The following TNFAIP8 variants were observed in gnomAD, a reference collection of about 807,000 sequenced individuals.
TNFAIP8 encodes the protein TNF alpha induced protein 8.
TNFAIP8 carries 7 observed loss-of-function variants against 13.3 expected under a neutral mutation model. That is an observed-to-expected ratio of 0.52 (90% CI 0.30 to 0.99). The LOEUF is 0.99. Among genes scored for constraint, TNFAIP8 ranks in the 50% least tolerant of loss-of-function variants. TNFAIP8 has a pLI of 0.07. For missense variants in TNFAIP8, 258 were observed against 236.9 expected, an observed-to-expected ratio of 1.09 and a Z score of -0.58; for synonymous variants, 94 against 87.6, an observed-to-expected ratio of 1.07 and a Z score of -0.41.
At chr5:119,316,692 C>T (rs2112681082) in intron 1 of TNFAIP8, among the ~76,000 whole-genome samples, 1 of 152,314 alleles carries the variant, frequency 6.6e-6, no homozygotes, top group East Asian at 1.9e-4. Context: ...GTCAAAATCT[C>T]TGAGGGTGAG....
At chr5:119,355,316 C>A (rs933645094), upstream of TNFAIP8, 1 of 702,090 alleles carries the variant, frequency 1.4e-6, no homozygotes, top group Non-Finnish European at 2.6e-6. Context: ...AGTGCCCGGG[C>A]TGTGCTTGGA....
At chr5:119,304,197 C>T (rs923820568) in intron 1 of TNFAIP8, among the ~76,000 whole-genome samples, 4 of 152,102 alleles carry the variant, frequency 2.6e-5, no homozygotes, top group Admixed American at 2.0e-4. Flanking sequence ...TAGCTCACTG[C>T]AGCCCCAAAT....
At chr5:119,378,907 C>T (rs1166838859) in intron 1 of TNFAIP8, among the ~76,000 whole-genome samples, 1 of 151,988 alleles carries the variant, frequency 6.6e-6, no homozygotes, top group East Asian at 1.9e-4. Flanking sequence ...TAACTCATCT[C>T]TACAAAGAGA....
chr5:119,334,548 T>C (rs965213046), intron 1 of TNFAIP8, among the ~76,000 whole-genome samples: 3 of 151,586 alleles, frequency 2.0e-5, no homozygotes, highest in African/African-American at 4.9e-5. Context: ...TTGTATGGAA[T>C]GTGGTCACCT....
chr5:119,286,597 G>A (rs1321619969), intron 1 of TNFAIP8, among the ~76,000 whole-genome samples: 1 of 147,176 alleles, frequency 6.8e-6, no homozygotes, highest in East Asian at 2.0e-4. Flanking sequence ...GCTCCAGCCA[G>A]GGCGACAGAG....
rs1045057468 is a variant in TNFAIP8, at chr5:119,393,548, A to C, written c.*167A>C. 1 of 800,266 alleles carries C rather than the reference A, an allele frequency of 1.2e-6. No homozygotes were observed. 49.6% of individuals were successfully genotyped at this position (800,266 alleles called of 1,614,324 possible). A position where few individuals can be genotyped will look rare whatever the true frequency, so the allele number is the denominator to read the frequency against. ...TTTATTTGAAGGCTTGTTTTATTTG[A>C]AGAAAAGCATATTGCCAAAAATTCT... On this transcript the variant is annotated 3_prime_UTR_variant, in exon 2 of 2. Coordinates refer to ENST00000504771, the MANE Select transcript of TNFAIP8 (RefSeq NM_014350.4).
chr5:119,369,055 C>CTTTTTTTTT (rs61101551), intron 1 of TNFAIP8, among the ~76,000 whole-genome samples: 1 of 105,016 alleles, frequency 9.5e-6, no homozygotes, highest in Non-Finnish European at 1.8e-5. Context: ...CTTTTCTTTT[C>CTTTTTTTTT]TTTTTTTTTT....
At chr5:119,356,349 A>G (rs892895732) in intron 1 of TNFAIP8, among the ~76,000 whole-genome samples, 1 of 152,176 alleles carries the variant, frequency 6.6e-6, no homozygotes. Context: ...AGTCGGACCT[A>G]GTTCAGCCAG....
intron 1 of TNFAIP8, among the ~76,000 whole-genome samples, chr5:119,342,091 T>A (rs1750757904): frequency 6.6e-6 from 1 of 152,228 alleles, no homozygotes; most frequent in South Asian, 2.1e-4. Context: ...TACTCTTAGC[T>A]GTTAGTCATC....
chr5:119,317,077 G>A (rs548200199), intron 1 of TNFAIP8, among the ~76,000 whole-genome samples: 3 of 152,168 alleles, frequency 2.0e-5, no homozygotes, highest in Non-Finnish European at 4.4e-5. Context: ...TACATTTTTA[G>A]CCACCCGGCA....
At chr5:119,342,386 T>C (rs1349193676) in intron 1 of TNFAIP8, among the ~76,000 whole-genome samples, 1 of 152,232 alleles carries the variant, frequency 6.6e-6, no homozygotes, top group Non-Finnish European at 1.5e-5. Context: ...CGAAAATTCT[T>C]GCAAATGTGT....
intron 1 of TNFAIP8, among the ~76,000 whole-genome samples, chr5:119,358,100 T>TTTTTTTTTTTCCTCTTATACGTAGC: frequency 6.3e-5 from 2 of 31,646 alleles, no homozygotes; most frequent in African/African-American, 4.4e-4. Context: ...TATACGTAGC[T>TTTTTTTTTTTCCTCTTATACGTAGC]TTTTTTTTTT....
chr5:119,362,207 G>A (rs149753531), intron 1 of TNFAIP8, among the ~76,000 whole-genome samples: 3 of 152,262 alleles, frequency 2.0e-5, no homozygotes, highest in Non-Finnish European at 4.4e-5. Context: ...TTAAGCAAAT[G>A]GAGAAGAGAA....
chr5:119,318,240 A>G (rs973114953), intron 1 of TNFAIP8, among the ~76,000 whole-genome samples: 8 of 149,586 alleles, frequency 5.3e-5, no homozygotes, highest in Non-Finnish European at 1.0e-4. Context: ...TTAAACGGGG[A>G]TTTCAAGTGG....
At chr5:119,274,100 G>A (rs1453949575) in intron 1 of TNFAIP8, among the ~76,000 whole-genome samples, 2 of 152,110 alleles carry the variant, frequency 1.3e-5, no homozygotes, top group African/African-American at 4.8e-5. Flanking sequence ...AGAGATTGTG[G>A]TGTGTGCTAT....
chr5:119,332,385 C>G (rs559223326), intron 1 of TNFAIP8, among the ~76,000 whole-genome samples: 2 of 152,054 alleles, frequency 1.3e-5, no homozygotes, highest in African/African-American at 4.8e-5. Context: ...ATAACTTGCA[C>G]GTATACACAA....
chr5:119,393,027 G>A lies in TNFAIP8; in HGVS notation c.243G>A (p.Lys81=). ...IIKNLIKTVI[K]LAILYRNNQF... is the part of the protein sequence containing the mutation. ...AGAACCTCATCAAGACAGTCATCAA[G>A]CTGGCCATTCTTTATAGGAATAATC... Residue 81 remains lysine (K), a synonymous_variant, in exon 2 of 2, where the codon AAG becomes AAA. Transcript: ENST00000504771. The A allele has an allele frequency of 6.2e-7, 1 of 1,613,482 alleles. No individual in the cohort carries two copies. Among genetic ancestry groups the A allele is most frequent in the Non-Finnish European group, 8.5e-7 (1 of 1,179,668 alleles).
At chr5:119,290,927 G>C (rs1748963864) in intron 1 of TNFAIP8, among the ~76,000 whole-genome samples, 3 of 152,182 alleles carry the variant, frequency 2.0e-5, no homozygotes, top group Admixed American at 2.0e-4. Context: ...GTCAGGGCCT[G>C]TAGGGTCTTG....
At chr5:119,353,517 TA>T (rs1751254350), upstream of TNFAIP8, among the ~76,000 whole-genome samples, 1 of 152,236 alleles carries the variant, frequency 6.6e-6, no homozygotes, top group South Asian at 2.1e-4. Context: ...GCTCTTGAGC[TA>T]AAACAGAGCA....
Sources: gnomAD v4.1 joint callset for allele counts (sites outside exome capture counted in the v4.1 genomes callset) on GRCh38, gnomAD v4.1.1 for gene constraint, MANE v1.5 for transcripts, NCBI Gene and HGNC (gene_info 2026-07-23, HGNC 2026-07-21) for gene names.